The following GRIK2 variants were observed in gnomAD, a reference collection of about 807,000 sequenced individuals.
GRIK2 encodes glutamate ionotropic receptor kainate type subunit 2, also known as glutamate receptor ionotropic, kainate 2.
GRIK2 carries 32 observed loss-of-function variants against 100.3 expected under a neutral mutation model. The ratio of observed to expected loss-of-function variants is 0.32; its 90% CI spans 0.24 to 0.43. GRIK2 has a LOEUF of 0.43. Ranked by LOEUF, GRIK2 falls within the 20% of genes least tolerant of loss-of-function variation. The pLI is 1.00. For missense variants in GRIK2, 843 were observed against 1,114.9 expected (o/e 0.76, Z 3.47); for synonymous variants, 417 against 389.4 (o/e 1.07, Z -0.83).
At chr6:101,508,729 A>G (rs1774144500) in intron 2 of GRIK2, among the ~76,000 whole-genome samples, 1 of 152,166 alleles carries the variant, frequency 6.6e-6, no homozygotes, top group Admixed American at 6.6e-5. Flanking sequence ...TTCCTAGGAA[A>G]TCAGTTTGAT....
chr6:101,749,364 C>T (rs1192688675), intron 7 of GRIK2, among the ~76,000 whole-genome samples: 5 of 152,078 alleles, frequency 3.3e-5, no homozygotes, highest in African/African-American at 9.7e-5. Flanking sequence ...CTGTCTCGGC[C>T]CCCCAGATTG....
chr6:101,800,934 A>G (rs954561308), intron 8 of GRIK2, among the ~76,000 whole-genome samples: 5 of 152,084 alleles, frequency 3.3e-5, no homozygotes, highest in Admixed American at 6.6e-5. Flanking sequence ...AATCTTGTCC[A>G]CTAAATCACA....
At chr6:101,831,147 C>G (rs1317472475) in intron 10 of GRIK2, among the ~76,000 whole-genome samples, 2 of 151,984 alleles carry the variant, frequency 1.3e-5, no homozygotes, top group African/African-American at 4.8e-5. Flanking sequence ...AACACAAACT[C>G]TAGATTATGA....
At chr6:101,445,549 C>A (rs890830258) in intron 2 of GRIK2, among the ~76,000 whole-genome samples, 8 of 152,070 alleles carry the variant, frequency 5.3e-5, no homozygotes, top group African/African-American at 1.9e-4. Context: ...TTCAAAAGTA[C>A]ATTTGTAACC....
chr6:101,604,603 G>A (rs1779363634), intron 2 of GRIK2, among the ~76,000 whole-genome samples: 1 of 151,764 alleles, frequency 6.6e-6, no homozygotes, highest in Non-Finnish European at 1.5e-5. Context: ...TTAATCAATG[G>A]CCACAGGGAA....
intron 3 of GRIK2, among the ~76,000 whole-genome samples, chr6:101,626,067 T>G (rs9377288): frequency 1.3e-5 from 2 of 152,004 alleles, no homozygotes; most frequent in Non-Finnish European, 2.9e-5. Flanking sequence ...TATAAACTAG[T>G]CTTCCAAAAC....
chr6:101,538,154 T>C (rs1042111256), intron 2 of GRIK2, among the ~76,000 whole-genome samples: 1 of 151,768 alleles, frequency 6.6e-6, no homozygotes, highest in Non-Finnish European at 1.5e-5. Flanking sequence ...CAGTGGCTTA[T>C]ATTTGCAGGA....
intron 7 of GRIK2, among the ~76,000 whole-genome samples, chr6:101,767,490 A>T (rs57847212): frequency 1.3e-5 from 2 of 152,202 alleles, no homozygotes; most frequent in South Asian, 4.1e-4. Context: ...TAAATAATGT[A>T]CATTTTAAGA....
At chr6:101,978,934 G>A (rs1793558900) in intron 14 of GRIK2, among the ~76,000 whole-genome samples, 1 of 151,812 alleles carries the variant, frequency 6.6e-6, no homozygotes, top group Non-Finnish European at 1.5e-5. Flanking sequence ...TTTCTCAACT[G>A]CTATTTTATT....
At chr6:101,649,689 A>C (rs1041539372) in intron 4 of GRIK2, among the ~76,000 whole-genome samples, 1 of 152,110 alleles carries the variant, frequency 6.6e-6, no homozygotes, top group East Asian at 1.9e-4. Flanking sequence ...GATTATAGCA[A>C]ACAGGTAAAT....
chr6:101,950,207 G>A (rs572697709), intron 14 of GRIK2, among the ~76,000 whole-genome samples: 1 of 151,570 alleles, frequency 6.6e-6, no homozygotes, highest in Non-Finnish European at 1.5e-5. Context: ...TTTTGTTGTT[G>A]TTGCTGGTAA....
At chr6:101,812,189 A>G (rs1488607267) in intron 9 of GRIK2, among the ~76,000 whole-genome samples, 1 of 151,792 alleles carries the variant, frequency 6.6e-6, no homozygotes, top group Non-Finnish European at 1.5e-5. Flanking sequence ...TGTAATTATA[A>G]AAGAATAGAC....
rs1020310171 is a variant in GRIK2 at position 101,484,423 on chromosome 6, A to C, written c.115+85031A>C. Among the ~76,000 whole-genome samples the C allele has an allele frequency of 4.6e-5, 7 of 152,256 alleles. 1 individual carries two copies. Among genetic ancestry groups the C allele is most frequent in the Non-Finnish European group, 1.0e-4 (7 of 68,016 alleles). On this transcript the variant is annotated intron_variant, in intron 2 of 16. Transcript: ENST00000369134. Reference sequence around the variant, plus strand: ...TTATCCTCCATTGTATTTTCTGAAAAGATTTCCTTGGGGATGCTATCAGAG... The same window carrying C: ...TTATCCTCCATTGTATTTTCTGAAACGATTTCCTTGGGGATGCTATCAGAG...
At chr6:101,613,762 GA>G (rs77889004) in intron 2 of GRIK2, among the ~76,000 whole-genome samples, 172 of 107,252 alleles carry the variant, frequency 1.6e-3, no homozygotes, top group East Asian at 5.1e-3. Flanking sequence ...GCTGTGTTCA[GA>G]AAAAAAAAAA....
intron 2 of GRIK2, among the ~76,000 whole-genome samples, chr6:101,536,226 C>T (rs900516721): frequency 3.3e-5 from 5 of 151,680 alleles, no homozygotes; most frequent in Non-Finnish European, 7.4e-5. Context: ...CTTCAACATA[C>T]TCTATTCATG....
intron 7 of GRIK2, among the ~76,000 whole-genome samples, chr6:101,770,089 C>T (rs1003761442): frequency 7.9e-5 from 12 of 152,120 alleles, no homozygotes; most frequent in Non-Finnish European, 1.8e-4. Flanking sequence ...TCTGGTTCTG[C>T]CAGGGCTTTT....
At chr6:101,649,774 C>A (rs771233464) in intron 4 of GRIK2, among the ~76,000 whole-genome samples, 4 of 151,990 alleles carry the variant, frequency 2.6e-5, no homozygotes, top group Admixed American at 1.3e-4. Context: ...AGACCAGGTG[C>A]CAGCTAAGAG....
At chr6:101,874,701 T>G (rs905373902) in intron 11 of GRIK2, among the ~76,000 whole-genome samples, 1 of 151,724 alleles carries the variant, frequency 6.6e-6, no homozygotes, top group Non-Finnish European at 1.5e-5. Flanking sequence ...ATGGCCATTT[T>G]CACGATATTG....
rs186134380 is a variant in GRIK2 at position 101,478,317 on chromosome 6, G to A, written c.115+78925G>A. On this transcript the variant is annotated intron_variant, in intron 2 of 16. Coordinates refer to ENST00000369134, the MANE Select transcript of GRIK2 (RefSeq NM_021956.5). The stretch of plus-strand genomic sequence containing the variant: ...TAACACTTTATTGTTAGATCTTCGG[G>A]TCCTGTGTATTATAGTGAAGGTTTA... Among the ~76,000 whole-genome samples, 414 of 151,742 alleles carry A rather than the reference G, an allele frequency of 2.7e-3. 1 individual carries two copies. The highest frequency in any genetic ancestry group is 4.4e-3 in the Non-Finnish European group (296 of 67,930).
Sources: allele counts gnomAD v4.1 joint callset (sites outside exome capture counted in the v4.1 genomes callset), GRCh38; gene constraint gnomAD v4.1.1; transcripts MANE v1.5; gene names NCBI Gene and HGNC (gene_info 2026-07-23, HGNC 2026-07-21).